EXTL3: variants seen among roughly 807,000 people sequenced by gnomAD.
EXTL3 encodes the protein exostosin like glycosyltransferase 3.
A neutral mutation model predicts 69.3 loss-of-function variants in EXTL3; 27 were observed. The observed-to-expected ratio is 0.39, with a 90% CI of 0.29 to 0.54. The LOEUF (loss-of-function observed/expected upper bound fraction) is 0.54, where lower values mean the gene tolerates loss of function less well. Among genes scored for constraint, EXTL3 ranks in the 20% least tolerant of loss-of-function variants. The pLI is 0.69. For missense variants in EXTL3, 1,003 were observed against 1,231.8 expected, an observed-to-expected ratio of 0.81 and a Z score of 2.78; for synonymous variants, 511 against 499.4, an observed-to-expected ratio of 1.02 and a Z score of -0.31.
At chr8:28,666,925 G>A (rs1037701691) in intron 1 of EXTL3, among the ~76,000 whole-genome samples, 6 of 152,036 alleles carry the variant, frequency 3.9e-5, no homozygotes, top group Non-Finnish European at 7.4e-5. Context: ...TCCTGCCTTC[G>A]ACTCCCTGGT....
intron 1 of EXTL3, among the ~76,000 whole-genome samples, chr8:28,636,079 C>T (rs1806649448): frequency 6.6e-6 from 1 of 152,056 alleles, no homozygotes; most frequent in Admixed American, 6.6e-5. Context: ...ACCTGTAATC[C>T]TCACACTTTG....
At chr8:28,614,101 A>C (rs1563424759) in intron 2 of EXTL3, among the ~76,000 whole-genome samples, 1 of 151,920 alleles carries the variant, frequency 6.6e-6, no homozygotes, top group Non-Finnish European at 1.5e-5. Context: ...GATCCCTAGG[A>C]TTATAGGCAT....
intron 1 of EXTL3, among the ~76,000 whole-genome samples, chr8:28,671,768 A>C (rs1293060057): frequency 6.6e-6 from 1 of 152,208 alleles, no homozygotes; most frequent in East Asian, 1.9e-4. Context: ...TTCCACTGGC[A>C]CCACTTTGTG....
In EXTL3 at chr8:28,719,223, A is replaced by G. The variant is rs945470763; in HGVS notation, c.2148+1016A>G. On this transcript the variant is annotated intron_variant, in intron 3 of 6. Coordinates refer to ENST00000220562, the MANE Select transcript of EXTL3 (RefSeq NM_001440.4). ...TAATAAGTATGAGATTTGGAGTGAT[A>G]CAGACCTGGGATTAAGTAGTCATTT... is the stretch of plus-strand genomic sequence containing the variant. 1.1e-4 allele frequency among the ~76,000 whole-genome samples: 16 copies of G among 152,362 alleles called. No individual in the cohort carries two copies. In the East Asian group the frequency reaches 1.2e-3, roughly 11 times the overall value.
At chr8:28,726,427 TTG>T (rs1256432711) in intron 3 of EXTL3, among the ~76,000 whole-genome samples, 1 of 152,172 alleles carries the variant, frequency 6.6e-6, no homozygotes, top group Non-Finnish European at 1.5e-5. Flanking sequence ...TTTGCAAAGT[TTG>T]TGAGGGCAGA....
chr8:28,692,709 GTT>G (rs1216872890), intron 1 of EXTL3, among the ~76,000 whole-genome samples: 7 of 152,204 alleles, frequency 4.6e-5, no homozygotes, highest in African/African-American at 1.7e-4. Flanking sequence ...AATTCTGCCA[GTT>G]TTCAGTTGGA....
intron 1 of EXTL3, among the ~76,000 whole-genome samples, chr8:28,638,939 T>TC (rs1806700377): frequency 9.4e-6 from 1 of 105,950 alleles, no homozygotes; most frequent in African/African-American, 9.2e-5. Context: ...CTAGGAATAA[T>TC]TTTTTTTTTT....
At chr8:28,693,395 C>T (rs1286942834) in intron 1 of EXTL3, among the ~76,000 whole-genome samples, 2 of 152,148 alleles carry the variant, frequency 1.3e-5, no homozygotes, top group East Asian at 3.9e-4. Context: ...GGTGATCCCC[C>T]CACCTCTGCC....
chr8:28,752,846 C>G lies in EXTL3; in HGVS notation c.*1980C>G, dbSNP rs1261266745. ...CGCTATATTGTGGCTGCTATTTCAT[C>G]TGGTTTCTTTTAATGTGAGGAACTC... On this transcript the variant is annotated 3_prime_UTR_variant, in exon 7 of 7. Coordinates refer to ENST00000220562, the MANE Select transcript of EXTL3 (RefSeq NM_001440.4). 1 of 152,730 alleles carries G rather than the reference C, an allele frequency of 6.5e-6. No homozygotes were observed. Among genetic ancestry groups the G allele is most frequent in the African/African-American group, 2.4e-5 (1 of 41,426 alleles). 9.5% of individuals were successfully genotyped at this position (152,730 alleles called of 1,614,324 possible).
chr8:28,649,656 G>A (rs1806886299), intron 1 of EXTL3, among the ~76,000 whole-genome samples: 1 of 152,064 alleles, frequency 6.6e-6, no homozygotes, highest in East Asian at 1.9e-4. Context: ...TCTTCTCTAA[G>A]TCTCTTGCTT....
intron 1 of EXTL3, among the ~76,000 whole-genome samples, chr8:28,692,113 A>C (rs1346394077): frequency 6.6e-6 from 1 of 152,108 alleles, no homozygotes; most frequent in East Asian, 1.9e-4. Context: ...ATACCTCTTC[A>C]CTTTAAAGAT....
intron 1 of EXTL3, chr8:28,710,616 T>TC (rs1309116288): frequency 1.6e-4 from 36 of 224,930 alleles, no homozygotes; most frequent in Middle Eastern, 7.1e-4. Context: ...TTTCTTTCTT[T>TC]TTTTTTTTTT....
At chr8:28,639,163 C>A (rs1806704161) in intron 1 of EXTL3, among the ~76,000 whole-genome samples, 1 of 151,868 alleles carries the variant, frequency 6.6e-6, no homozygotes, top group South Asian at 2.1e-4. Context: ...GTCTTGAACT[C>A]CTGACCTTGT....
chr8:28,733,650 T>G (rs1474877797), intron 4 of EXTL3, among the ~76,000 whole-genome samples: 1 of 151,304 alleles, frequency 6.6e-6, no homozygotes. Flanking sequence ...TCCCAAGTGC[T>G]GGGATTACAG....
intron 2 of EXTL3, among the ~76,000 whole-genome samples, chr8:28,613,099 T>C (rs1806291511): frequency 6.6e-6 from 1 of 152,238 alleles, no homozygotes; most frequent in South Asian, 2.1e-4. Flanking sequence ...ATGAAAGATA[T>C]TGGTCTATAG....
At chr8:28,632,554 C>CT (rs1172375819) in intron 1 of EXTL3, among the ~76,000 whole-genome samples, 5,336 of 126,574 alleles carry the variant, frequency 0.042, 272 homozygotes, top group African/African-American at 0.12. Context: ...CTCATTTATT[C>CT]TTTTTTTTTT....
chr8:28,701,861 C>T (rs985534897), intron 1 of EXTL3, among the ~76,000 whole-genome samples: 24 of 152,198 alleles, frequency 1.6e-4, no homozygotes, highest in African/African-American at 5.5e-4. Flanking sequence ...GGCTCGGGGG[C>T]CCGGGGAGAG....
At chr8:28,713,194 A>C (rs1693597726) in intron 1 of EXTL3, among the ~76,000 whole-genome samples, 1 of 152,196 alleles carries the variant, frequency 6.6e-6, no homozygotes, top group African/African-American at 2.4e-5. Flanking sequence ...AGAGCACATA[A>C]ATAGGTAACG....
chr8:28,716,841 A>T lies in EXTL3; in HGVS notation c.782A>T (p.Tyr261Phe), dbSNP rs1226243263. Residue 261 changes from tyrosine to phenylalanine, a missense_variant, in exon 3 of 7, where the codon TAT becomes TTT. Physicochemically the swap from Tyr to Phe is conservative, Grantham distance 22. Transcript: ENST00000220562. This position sits in a 1 kb window ranked among gnomAD's most constrained non-coding sequence, Gnocchi z 7.1. ...LRPAELEKQL[Y>F]SLPHWRTDGH... is the part of the protein sequence containing the mutation. ...CCTGCTGAGCTGGAGAAGCAGTTGT[A>T]TTCCCTGCCACACTGGCGGACGGAT... 1.9e-6 allele frequency: 3 copies of T among 1,614,102 alleles called. No homozygotes were observed. The highest frequency in any genetic ancestry group is 2.5e-6 in the Non-Finnish European group (3 of 1,180,052).
Sources: allele counts gnomAD v4.1 joint callset (sites outside exome capture counted in the v4.1 genomes callset), GRCh38; gene constraint gnomAD v4.1.1; non-coding constraint Gnocchi (gnomAD v3.1); transcripts MANE v1.5; gene names NCBI Gene and HGNC (gene_info 2026-07-23, HGNC 2026-07-21).